The following IRAK1BP1 variants were observed in gnomAD, a reference collection of about 807,000 sequenced individuals.
IRAK1BP1 encodes interleukin-1 receptor-associated kinase 1-binding protein 1.
In IRAK1BP1, 24 loss-of-function variants were observed where a neutral mutation model predicts 28.0. That is an observed-to-expected ratio of 0.86 (90% confidence interval 0.62 to 1.20). The LOEUF (loss-of-function observed/expected upper bound fraction) is 1.20, where lower values mean the gene tolerates loss of function less well. Ranked by LOEUF, IRAK1BP1 falls within the 50% of genes most tolerant of loss-of-function variation. The pLI is 0.00. For missense variants in IRAK1BP1, 336 were observed against 316.7 expected (o/e 1.06, Z -0.46); for synonymous variants, 131 against 116.3 (o/e 1.13, Z -0.81).
At chr6:78,973,940 C>G in the IRAK1BP1 span, among the ~76,000 whole-genome samples, 2 of 151,874 alleles carry the variant, frequency 1.3e-5, no homozygotes, top group Non-Finnish European at 2.9e-5. Flanking sequence ...GACTTTAACA[C>G]CCCACTGTCA....
chr6:78,884,309 G>T (rs1157455985), intron 1 of IRAK1BP1, among the ~76,000 whole-genome samples: 2 of 151,924 alleles, frequency 1.3e-5, no homozygotes, highest in Non-Finnish European at 2.9e-5. Context: ...ATCATATATT[G>T]ATTTAACATA....
the IRAK1BP1 span, chr6:78,965,556 C>T: frequency 1.9e-6 from 1 of 537,580 alleles, no homozygotes; most frequent in Non-Finnish European, 3.3e-6. Context: ...TCCCCTACTT[C>T]AAGGTGTACA....
intron 1 of IRAK1BP1, among the ~76,000 whole-genome samples, chr6:78,872,850 T>C (rs1043850449): frequency 2.0e-5 from 3 of 152,206 alleles, no homozygotes; most frequent in African/African-American, 7.2e-5. Flanking sequence ...CCATTTCTTT[T>C]TTATCATTTG....
intron 1 of IRAK1BP1, among the ~76,000 whole-genome samples, chr6:78,875,167 C>T (rs1378091808): frequency 6.6e-6 from 1 of 152,120 alleles, no homozygotes; most frequent in Admixed American, 6.6e-5. Context: ...AGATGCAAAT[C>T]AAAACCACAG....
intron 1 of IRAK1BP1, among the ~76,000 whole-genome samples, chr6:78,878,018 A>G (rs1233498405): frequency 2.0e-5 from 3 of 151,446 alleles, no homozygotes; most frequent in Non-Finnish European, 4.4e-5. Flanking sequence ...GGTGGATCCC[A>G]CCACAGCTCA....
At chr6:78,974,461 A>G in the IRAK1BP1 span, among the ~76,000 whole-genome samples, 4 of 151,990 alleles carry the variant, frequency 2.6e-5, no homozygotes, top group Non-Finnish European at 4.4e-5. Flanking sequence ...ATCACAATTA[A>G]AAGAACTAGA....
chr6:78,869,258 G>C (rs1195088142), intron 1 of IRAK1BP1, among the ~76,000 whole-genome samples: 1 of 152,154 alleles, frequency 6.6e-6, no homozygotes, highest in African/African-American at 2.4e-5. Flanking sequence ...GGTGGCTCAT[G>C]CCTGTAATGC....
At chr6:78,957,251 TCTA>T in the IRAK1BP1 span, 2 of 152,020 alleles carry the variant, frequency 1.3e-5, no homozygotes, top group African/African-American at 2.4e-5. Context: ...CTCATGTAGT[TCTA>T]CTGATTCTCT....
At chr6:78,963,306 G>C in the IRAK1BP1 span, 1 of 1,411,612 alleles carries the variant, frequency 7.1e-7, no homozygotes, top group Non-Finnish European at 9.7e-7. Context: ...TAGTATTCAG[G>C]TTAGCTTTAG....
Position 78,922,727 on chromosome 6 carries a change from G to A in IRAK1BP1, c.*67+19617G>A, listed in dbSNP as rs576402080. On this transcript the variant is annotated intron_variant and NMD_transcript_variant, in intron 4 of 4. Transcript: ENST00000606868. ...CCATCAGACTAACAGCTGATCTCTCGGCAGAAACTCTACAAGCCAGAAGAG... is the reference window on the plus strand; with the variant it reads ...CCATCAGACTAACAGCTGATCTCTCAGCAGAAACTCTACAAGCCAGAAGAG... Among the ~76,000 whole-genome samples, 980 of 152,254 alleles carry A rather than the reference G, an allele frequency of 6.4e-3. 19 individuals are homozygous for A. The highest frequency in any genetic ancestry group is 0.022 in the African/African-American group (917 of 41,534).
chr6:78,945,574 T>C (rs1378147842), exon 5 of IRAK1BP1: 9 of 899,220 alleles, frequency 1.0e-5, no homozygotes, highest in Non-Finnish European at 1.2e-5. Context: ...CCTGAATTAT[T>C]TGAATTAGCC....
At chr6:78,904,253 G>A (rs1192769511), downstream of IRAK1BP1, among the ~76,000 whole-genome samples, 2 of 152,194 alleles carry the variant, frequency 1.3e-5, no homozygotes, top group African/African-American at 4.8e-5. Context: ...ATTCTGTTGT[G>A]TAAACAAGCC....
chr6:78,876,321 G>A (rs541408342), intron 1 of IRAK1BP1, among the ~76,000 whole-genome samples: 52 of 152,276 alleles, frequency 3.4e-4, no homozygotes, highest in African/African-American at 1.2e-3. Flanking sequence ...GGAACTGAGA[G>A]TCAAACCTCA....
rs1302379151 is a variant in IRAK1BP1, at chr6:78,901,229, C to T, written c.*2895C>T. On this transcript the variant is annotated 3_prime_UTR_variant, in exon 4 of 4. Coordinates refer to ENST00000369940, the MANE Select transcript of IRAK1BP1 (RefSeq NM_001010844.4). ...AGGCACTTTTTAGAATTTCCAGGAACTTTTAAAGATGTTGTCTCCAAAAAA... is the reference window on the plus strand; with the variant it reads ...AGGCACTTTTTAGAATTTCCAGGAATTTTTAAAGATGTTGTCTCCAAAAAA... 6.7e-6 allele frequency: 1 copy of T among 150,284 alleles called. No individual in the cohort carries two copies. The highest frequency in any genetic ancestry group is 2.4e-5 in the African/African-American group (1 of 40,886). The allele number at this position is 150,284 out of a possible 1,614,324, so 9.3% of individuals were successfully genotyped here. A position where few individuals can be genotyped will look rare whatever the true frequency, so the allele number is the denominator to read the frequency against.
chr6:78,947,832 C>A, downstream of IRAK1BP1: 1 of 1,245,384 alleles, frequency 8.0e-7, no homozygotes, highest in South Asian at 1.3e-5. Context: ...CATCACTTCT[C>A]AGTGCAGGGA....
At chr6:78,944,068 A>G (rs969332534) in intron 4 of IRAK1BP1, among the ~76,000 whole-genome samples, 3 of 151,648 alleles carry the variant, frequency 2.0e-5, no homozygotes, top group African/African-American at 2.4e-5. Context: ...AAAGAAGACG[A>G]TATTTTAAGT....
intron 4 of IRAK1BP1, among the ~76,000 whole-genome samples, chr6:78,909,981 A>T (rs544530598): frequency 6.6e-6 from 1 of 152,192 alleles, no homozygotes; most frequent in Non-Finnish European, 1.5e-5. Flanking sequence ...GTGGAAGGGA[A>T]ACAATGAAAA....
chr6:78,886,058 C>T (rs1305324840), intron 2 of IRAK1BP1, among the ~76,000 whole-genome samples: 3 of 152,014 alleles, frequency 2.0e-5, no homozygotes, highest in Non-Finnish European at 2.9e-5. Context: ...TTTTGGAGTA[C>T]GTGCCTAGTA....
intron 4 of IRAK1BP1, among the ~76,000 whole-genome samples, chr6:78,923,921 G>A (rs1271274151): frequency 6.6e-6 from 1 of 152,148 alleles, no homozygotes; most frequent in Admixed American, 6.5e-5. Context: ...TCAAAGCAGT[G>A]TGTAGAGGGA....
Sources: gnomAD v4.1 joint callset for allele counts (sites outside exome capture counted in the v4.1 genomes callset) on GRCh38, gnomAD v4.1.1 for gene constraint, MANE v1.5 for transcripts, NCBI Gene and HGNC (gene_info 2026-07-23, HGNC 2026-07-21) for gene names.